MICU1: variants seen among roughly 807,000 people sequenced by gnomAD.
MICU1 encodes the protein mitochondrial calcium uptake 1.
Under a neutral mutation model 56.8 loss-of-function variants are expected in MICU1, and 45 were observed. That is an observed-to-expected ratio of 0.79 (90% confidence interval 0.62 to 1.02). MICU1 has a LOEUF of 1.02. MICU1 is among the 50% of genes least tolerant of loss of function. The pLI, the probability that MICU1 is intolerant of heterozygous loss-of-function variation, is 0.00. For synonymous variants in MICU1, 186 were observed against 195.1 expected, an observed-to-expected ratio of 0.95 and a Z score of 0.39; for missense variants, 504 against 587.1, an observed-to-expected ratio of 0.86 and a Z score of 1.46.
At chr10:72,562,248 G>C (rs147890818) in intron 3 of MICU1, among the ~76,000 whole-genome samples, 4,042 of 140,288 alleles carry the variant, frequency 0.029, 177 homozygotes, top group African/African-American at 0.1. Context: ...CCACCTCCCG[G>C]GTTCAAGCAA....
intron 8 of MICU1, among the ~76,000 whole-genome samples, chr10:72,473,901 T>C (rs1367013983): frequency 6.6e-6 from 1 of 151,920 alleles, no homozygotes; most frequent in Admixed American, 6.6e-5. Flanking sequence ...TTTTCACCTG[T>C]TTTAGTTATA....
intron 8 of MICU1, among the ~76,000 whole-genome samples, chr10:72,442,404 A>G (rs1224142285): frequency 6.6e-6 from 1 of 152,056 alleles, no homozygotes; most frequent in Admixed American, 6.6e-5. Flanking sequence ...TCAGCCTCCC[A>G]AAGTGCTAGG....
At chr10:72,544,888 T>C (rs896978004) in intron 4 of MICU1, among the ~76,000 whole-genome samples, 1 of 152,244 alleles carries the variant, frequency 6.6e-6, no homozygotes, top group Non-Finnish European at 1.5e-5. Context: ...TGCTCCCCTA[T>C]TCATTTTAAA....
intron 1 of MICU1, among the ~76,000 whole-genome samples, chr10:72,624,994 T>A (rs947455333): frequency 3.3e-5 from 5 of 152,210 alleles, no homozygotes; most frequent in African/African-American, 1.2e-4. Flanking sequence ...TATGGTCCAA[T>A]GAAACCTAAA....
intron 1 of MICU1, among the ~76,000 whole-genome samples, chr10:72,613,422 G>A (rs1224065400): frequency 6.6e-6 from 1 of 151,712 alleles, no homozygotes; most frequent in Non-Finnish European, 1.5e-5. Flanking sequence ...CTACAGGGAT[G>A]TGCCACCACG....
At chr10:72,427,806 A>G (rs1222876158) in intron 8 of MICU1, among the ~76,000 whole-genome samples, 1 of 150,138 alleles carries the variant, frequency 6.7e-6, no homozygotes, top group Non-Finnish European at 1.5e-5. Flanking sequence ...TGAACTGTGC[A>G]ATGCAAGACT....
chr10:72,447,988 C>T (rs1482003814), intron 8 of MICU1, among the ~76,000 whole-genome samples: 3 of 151,778 alleles, frequency 2.0e-5, no homozygotes, highest in African/African-American at 4.8e-5. Flanking sequence ...CAGTTGATCT[C>T]ACTTTTTCTG....
intron 10 of MICU1, among the ~76,000 whole-genome samples, chr10:72,399,684 C>T (rs527256111): frequency 2.6e-5 from 4 of 151,902 alleles, no homozygotes; most frequent in South Asian, 4.2e-4. Flanking sequence ...AATTTGAGGC[C>T]GGGTGCAGTG....
At chr10:72,449,088 A>G (rs1865212890) in intron 8 of MICU1, among the ~76,000 whole-genome samples, 1 of 152,158 alleles carries the variant, frequency 6.6e-6, no homozygotes, top group South Asian at 2.1e-4. Flanking sequence ...ATTTGCCACC[A>G]TGACCAGCTA....
chr10:72,387,109 T>C (rs1251765526), intron 10 of MICU1, among the ~76,000 whole-genome samples: 5 of 152,338 alleles, frequency 3.3e-5, no homozygotes, highest in Middle Eastern at 3.4e-3. Flanking sequence ...TGTGAGGCAA[T>C]AGATTTGGAA....
In MICU1 at chr10:72,416,939, A is replaced by G. The variant is rs537181090; in HGVS notation, c.1071+6295T>C. Among the ~76,000 whole-genome samples the G allele has an allele frequency of 3.2e-4, 49 of 152,284 alleles. 1 individual carries two copies. The highest frequency in any genetic ancestry group is 1.7e-3 in the South Asian group (8 of 4,820). On this transcript the variant is annotated intron_variant, in intron 9 of 11. Transcript: ENST00000361114. ...CAAGAAGCTCAAAGCTAAGTGAGTT[A>G]CCTTGCTTTATATTTGTTTAAAATC...
Position 72,367,901 on chromosome 10 carries a change from T to G in MICU1, c.*294A>C. On this transcript the variant is annotated 3_prime_UTR_variant, in exon 12 of 12. Transcript: ENST00000361114. ...CAGGTGTGTGGATGGTTCCCTGAAT[T>G]CTTTATCCACAGGATGCTTGAATGG... is the stretch of plus-strand genomic sequence containing the variant. 3.1e-6 allele frequency: 1 copy of G among 319,288 alleles called. No homozygotes were observed. Among genetic ancestry groups the G allele is most frequent in the Non-Finnish European group, 5.8e-6 (1 of 173,380 alleles). 19.8% of individuals were successfully genotyped at this position (319,288 alleles called of 1,614,324 possible).
chr10:72,487,160 G>A (rs1480039603), intron 6 of MICU1, among the ~76,000 whole-genome samples: 1 of 152,110 alleles, frequency 6.6e-6, no homozygotes, highest in Non-Finnish European at 1.5e-5. Flanking sequence ...CCCACAGTGT[G>A]GCAGACCATC....
intron 1 of MICU1, among the ~76,000 whole-genome samples, chr10:72,607,676 G>A (rs1224110550): frequency 6.6e-6 from 1 of 151,132 alleles, no homozygotes; most frequent in Non-Finnish European, 1.5e-5. Flanking sequence ...GTTATAGTAA[G>A]TAAAGTGCCT....
At chr10:72,539,573 G>T (rs1839717908) in intron 4 of MICU1, among the ~76,000 whole-genome samples, 1 of 152,000 alleles carries the variant, frequency 6.6e-6, no homozygotes, top group African/African-American at 2.4e-5. Flanking sequence ...TTTTGCTATG[G>T]AATATACCAA....
At chr10:72,545,628 A>G (rs1200898588) in intron 4 of MICU1, among the ~76,000 whole-genome samples, 3 of 152,318 alleles carry the variant, frequency 2.0e-5, no homozygotes, top group East Asian at 3.9e-4. Flanking sequence ...TTATGTAAAT[A>G]AAGTCTCATA....
chr10:72,588,299 T>C (rs900004136), intron 1 of MICU1, among the ~76,000 whole-genome samples: 26 of 149,926 alleles, frequency 1.7e-4, no homozygotes, highest in Admixed American at 2.7e-4. Flanking sequence ...ATTAAACCTC[T>C]TTTCTTCATA....
At chr10:72,536,849 A>T (rs1839650098) in intron 4 of MICU1, among the ~76,000 whole-genome samples, 1 of 152,146 alleles carries the variant, frequency 6.6e-6, no homozygotes, top group South Asian at 2.1e-4. Flanking sequence ...CTCAACTCAG[A>T]CTTGCCACAT....
chr10:72,444,160 G>A (rs2132191364), intron 8 of MICU1, among the ~76,000 whole-genome samples: 1 of 151,652 alleles, frequency 6.6e-6, no homozygotes, highest in East Asian at 1.9e-4. Context: ...CTCATAGGTG[G>A]GAATTGAACA....
Sources: gnomAD v4.1 joint callset for allele counts (sites outside exome capture counted in the v4.1 genomes callset) on GRCh38, gnomAD v4.1.1 for gene constraint, MANE v1.5 for transcripts, NCBI Gene and HGNC (gene_info 2026-07-23, HGNC 2026-07-21) for gene names.